The following PRIMA1 variants were observed in gnomAD, a reference collection of about 807,000 sequenced individuals.
PRIMA1 encodes the protein proline rich membrane anchor 1.
In PRIMA1, 7 loss-of-function variants were observed where a neutral mutation model predicts 17.5. The observed-to-expected ratio is 0.40, with a 90% CI of 0.23 to 0.75. The LOEUF (loss-of-function observed/expected upper bound fraction) is 0.75. Among genes scored for constraint, PRIMA1 ranks in the 30% least tolerant of loss-of-function variants. The pLI, the probability that PRIMA1 is intolerant of heterozygous loss-of-function variation, is 0.37. For missense variants in PRIMA1, 200 were observed against 201.8 expected (o/e 0.99, Z 0.05); for synonymous variants, 97 against 77.9 (o/e 1.25, Z -1.29).
rs1348631824 is a variant in PRIMA1 at position 93,767,209 on chromosome 14, C to T, written c.229+11967G>A. Among the ~76,000 whole-genome samples the T allele has an allele frequency of 8.3e-4, 125 of 151,484 alleles. 2 individuals carry two copies. Among genetic ancestry groups the T allele is most frequent in the Admixed American group, 8.1e-3 (123 of 15,172 alleles). ...TCACAACAGCTACATTTATTAAGAA[C>T]GATGTATGCCAAGCCCTGGGCTAAC... On this transcript the variant is annotated intron_variant, in intron 3 of 4. Coordinates refer to ENST00000393140, the MANE Select transcript of PRIMA1 (RefSeq NM_178013.4).
At chr14:93,739,366 C>T (rs1487103346) in intron 3 of PRIMA1, among the ~76,000 whole-genome samples, 2 of 152,124 alleles carry the variant, frequency 1.3e-5, no homozygotes, top group Admixed American at 6.5e-5. Context: ...TTTGTTTATC[C>T]GTTCACCTGA....
At chr14:93,769,499 C>T (rs1259431848) in intron 3 of PRIMA1, among the ~76,000 whole-genome samples, 1 of 152,216 alleles carries the variant, frequency 6.6e-6, no homozygotes, top group East Asian at 1.9e-4. Flanking sequence ...GAACACAGCC[C>T]TTGAAGCAGG....
At chr14:93,757,093 G>C (rs1038747666) in intron 3 of PRIMA1, among the ~76,000 whole-genome samples, 22 of 152,176 alleles carry the variant, frequency 1.4e-4, no homozygotes, top group African/African-American at 5.3e-4. Flanking sequence ...ACCCTTGTAG[G>C]GAAGAATCTA....
intron 3 of PRIMA1, among the ~76,000 whole-genome samples, chr14:93,774,382 T>C (rs1238385452): frequency 2.0e-5 from 3 of 152,188 alleles, no homozygotes; most frequent in Non-Finnish European, 4.4e-5. Flanking sequence ...TGCCTGGCCA[T>C]GTGAAGGACG....
intron 4 of PRIMA1, among the ~76,000 whole-genome samples, chr14:93,731,156 C>G (rs201459456): frequency 1.3e-5 from 2 of 152,196 alleles, no homozygotes; most frequent in East Asian, 1.9e-4. Context: ...AAGGTAAGCA[C>G]TGAATAGGCA....
At chr14:93,747,745 G>A (rs1444479107) in intron 3 of PRIMA1, among the ~76,000 whole-genome samples, 5 of 151,172 alleles carry the variant, frequency 3.3e-5, no homozygotes, top group Admixed American at 6.6e-5. Flanking sequence ...CGAGTGGGAA[G>A]TGTGTGGAGT....
At chr14:93,775,475 TTTTG>T (rs1885187864) in intron 3 of PRIMA1, among the ~76,000 whole-genome samples, 2 of 152,330 alleles carry the variant, frequency 1.3e-5, no homozygotes, top group African/African-American at 4.8e-5. Context: ...CACTTGTTTT[TTTTG>T]TTTGTTTTGT....
rs1473534488 is a variant in PRIMA1 at position 93,718,615 on chromosome 14, A to G, written c.*2829T>C. 7.0e-6 allele frequency: 1 copy of G among 143,324 alleles called. No homozygotes were observed. The highest frequency in any genetic ancestry group is 2.0e-4 in the East Asian group (1 of 5,056). The allele number at this position is 143,324 out of a possible 1,614,324, so 8.9% of individuals were successfully genotyped here. A position where few individuals can be genotyped will look rare whatever the true frequency, so the allele number is the denominator to read the frequency against. On this transcript the variant is annotated 3_prime_UTR_variant, in exon 5 of 5. Coordinates refer to ENST00000393140, the MANE Select transcript of PRIMA1 (RefSeq NM_178013.4). The stretch of plus-strand genomic sequence containing the variant: ...TAACTCATACTTTGTACAGATGCAG[A>G]GAGTACAGTAGTTGTATTTATATAT...
chr14:93,756,433 C>G (rs986777611), intron 3 of PRIMA1, among the ~76,000 whole-genome samples: 6 of 152,144 alleles, frequency 3.9e-5, no homozygotes, highest in Admixed American at 2.0e-4. Context: ...ATAAATGCAG[C>G]CTTCTTAGGT....
intron 4 of PRIMA1, among the ~76,000 whole-genome samples, chr14:93,727,298 T>G (rs941703226): frequency 6.6e-6 from 1 of 152,204 alleles, no homozygotes; most frequent in African/African-American, 2.4e-5. Context: ...GGGGAGGGGC[T>G]TCTCACAGGC....
Position 93,757,199 on chromosome 14 carries a change from A to AAAGGAAGG in PRIMA1, c.230-19837_230-19830dup, listed in dbSNP as rs113474280. Among the ~76,000 whole-genome samples, 338 of 151,094 alleles carry AAAGGAAGG rather than the reference A, an allele frequency of 2.2e-3. 2 individuals carry two copies. The highest frequency in any genetic ancestry group is 7.6e-3 in the African/African-American group (311 of 40,876). On this transcript the variant is annotated intron_variant, in intron 3 of 4. Transcript: ENST00000393140. ...GAAATTGTGAGACGTGGGTTTAAAA[A>AAAGGAAGG]AAGGAAGGAAGGAAGGAAGGAAGGA...
At chr14:93,783,181 T>C (rs1242186663) in intron 2 of PRIMA1, among the ~76,000 whole-genome samples, 1 of 152,194 alleles carries the variant, frequency 6.6e-6, no homozygotes, top group Non-Finnish European at 1.5e-5. Context: ...GGTAGATGAG[T>C]ACTTTATTAA....
intron 3 of PRIMA1, among the ~76,000 whole-genome samples, chr14:93,748,608 C>A (rs960911891): frequency 6.6e-6 from 1 of 151,872 alleles, no homozygotes; most frequent in Non-Finnish European, 1.5e-5. Flanking sequence ...GGCCGAGGCC[C>A]TTCCTGAGCC....
intron 3 of PRIMA1, among the ~76,000 whole-genome samples, chr14:93,747,696 A>G (rs1332179611): frequency 6.7e-6 from 1 of 150,042 alleles, no homozygotes; most frequent in Non-Finnish European, 1.5e-5. Context: ...ATGGGAGTGC[A>G]TATGAGTGTG....
intron 3 of PRIMA1, among the ~76,000 whole-genome samples, chr14:93,743,083 G>A (rs915060157): frequency 2.6e-5 from 4 of 152,208 alleles, no homozygotes; most frequent in African/African-American, 9.7e-5. Context: ...TAGGAATGCC[G>A]TCTGAGTCTA....
chr14:93,756,529 C>G (rs760044562), intron 3 of PRIMA1, among the ~76,000 whole-genome samples: 2 of 152,106 alleles, frequency 1.3e-5, no homozygotes, highest in Non-Finnish European at 2.9e-5. Context: ...AGCTCCTGGC[C>G]CCGGACCCCG....
chr14:93,768,967 G>A (rs116626592), intron 3 of PRIMA1, among the ~76,000 whole-genome samples: 2,813 of 109,422 alleles, frequency 0.026, 95 homozygotes, highest in African/African-American at 0.086. Context: ...CACCACAACC[G>A]GCTAAAGATC....
chr14:93,747,184 G>T (rs2076223645), intron 3 of PRIMA1, among the ~76,000 whole-genome samples: 1 of 152,140 alleles, frequency 6.6e-6, no homozygotes, highest in South Asian at 2.1e-4. Context: ...GGGTGACAGG[G>T]GAGGCTTGTG....
chr14:93,737,845 G>A (rs1344336864), intron 3 of PRIMA1, among the ~76,000 whole-genome samples: 5 of 152,104 alleles, frequency 3.3e-5, no homozygotes, highest in South Asian at 4.1e-4. Flanking sequence ...ATCCTCCCTC[G>A]GCATGAGCTA....
Sources: gnomAD v4.1 joint callset for allele counts (sites outside exome capture counted in the v4.1 genomes callset) on GRCh38, gnomAD v4.1.1 for gene constraint, MANE v1.5 for transcripts, NCBI Gene and HGNC (gene_info 2026-07-23, HGNC 2026-07-21) for gene names.